Variants in LMO1 observed in about 807,000 individuals in gnomAD.
LMO1 encodes the protein rhombotin-1.
In LMO1, 10 loss-of-function variants were observed where a neutral mutation model predicts 18.0. The observed-to-expected ratio is 0.55, with a 90% confidence interval of 0.34 to 0.94. The LOEUF is 0.94. LMO1 is among the 40% of genes least tolerant of loss of function. The pLI is 0.02. For synonymous variants in LMO1, 77 were observed against 77.9 expected, an observed-to-expected ratio of 0.99 and a Z score of 0.06; for missense variants, 183 against 205.7, an observed-to-expected ratio of 0.89 and a Z score of 0.68.
At chr11:8,236,886 TATATAA>T (rs1428427456) in intron 1 of LMO1, among the ~76,000 whole-genome samples, 2 of 152,324 alleles carry the variant, frequency 1.3e-5, no homozygotes, top group Non-Finnish European at 2.9e-5. Flanking sequence ...TTGGTGTGCT[TATATAA>T]ATATACACTT....
chr11:8,259,198 C>T (rs371377137), intron 1 of LMO1, among the ~76,000 whole-genome samples: 20 of 152,272 alleles, frequency 1.3e-4, no homozygotes, highest in East Asian at 5.8e-4. Flanking sequence ...GGATTCCGGA[C>T]GACAGACCAA....
chr11:8,236,389 G>A (rs12294629), intron 1 of LMO1, among the ~76,000 whole-genome samples: 2 of 149,452 alleles, frequency 1.3e-5, no homozygotes, highest in African/African-American at 5.0e-5. Context: ...TTTTTTTTCA[G>A]AGACAAGGTC....
chr11:8,258,496 G>A (rs1416421796), intron 1 of LMO1, among the ~76,000 whole-genome samples: 2 of 152,208 alleles, frequency 1.3e-5, no homozygotes, highest in African/African-American at 4.8e-5. Context: ...GCTGAACCTC[G>A]TGTTTCCTTT....
At chr11:8,263,956 G>A (rs1470370920), upstream of LMO1, 5 of 836,948 alleles carry the variant, frequency 6.0e-6, no homozygotes, top group Middle Eastern at 5.7e-4. Context: ...GGGGAGTGGA[G>A]ACGCACGGCT....
chr11:8,245,356 G>A (rs1397966909), intron 1 of LMO1, among the ~76,000 whole-genome samples: 1 of 152,114 alleles, frequency 6.6e-6, no homozygotes, highest in Non-Finnish European at 1.5e-5. Context: ...GTGAACTCCG[G>A]CAAGTCATTT....
intron 1 of LMO1, among the ~76,000 whole-genome samples, chr11:8,235,709 A>C (rs1357086248): frequency 6.6e-6 from 1 of 152,276 alleles, no homozygotes; most frequent in Non-Finnish European, 1.5e-5. Flanking sequence ...AATATCTCTC[A>C]ATGTGGGTTT....
upstream of LMO1, among the ~76,000 whole-genome samples, chr11:8,267,724 T>A (rs1847275629): frequency 6.6e-6 from 1 of 152,194 alleles, no homozygotes; most frequent in African/African-American, 2.4e-5. Flanking sequence ...GACCCTAAAC[T>A]TCATTAGCTT....
At chr11:8,246,572 T>C (rs1472570878) in intron 1 of LMO1, among the ~76,000 whole-genome samples, 1 of 152,166 alleles carries the variant, frequency 6.6e-6, no homozygotes, top group Non-Finnish European at 1.5e-5. Context: ...AAGGTTCTTT[T>C]TGAGGTGATA....
chr11:8,251,346 C>T (rs1045747908), intron 1 of LMO1, among the ~76,000 whole-genome samples: 2 of 152,198 alleles, frequency 1.3e-5, no homozygotes, highest in African/African-American at 4.8e-5. Context: ...CTCCAGCCCA[C>T]AGGAGAGCCT....
intron 1 of LMO1, among the ~76,000 whole-genome samples, chr11:8,256,013 G>C (rs975308888): frequency 4.6e-5 from 7 of 152,094 alleles, no homozygotes; most frequent in African/African-American, 1.7e-4. Context: ...TTTTGGTAGA[G>C]ACGGGGTTTC....
intron 1 of LMO1, among the ~76,000 whole-genome samples, chr11:8,238,799 T>C (rs762973462): frequency 5.3e-5 from 8 of 152,090 alleles, no homozygotes; most frequent in Non-Finnish European, 7.3e-5. Context: ...AGTGTTGATA[T>C]GGGTGCATAC....
At chr11:8,241,685 G>C (rs1045347307) in intron 1 of LMO1, among the ~76,000 whole-genome samples, 10 of 151,400 alleles carry the variant, frequency 6.6e-5, no homozygotes, top group South Asian at 6.2e-4. Context: ...AGCCTTTCTT[G>C]ACCTCCTTAT....
chr11:8,244,494 G>A (rs765031837), intron 1 of LMO1, among the ~76,000 whole-genome samples: 21 of 152,364 alleles, frequency 1.4e-4, no homozygotes, highest in Admixed American at 4.6e-4. Context: ...GATTTATTAC[G>A]ATGATTAGCA....
intron 1 of LMO1, among the ~76,000 whole-genome samples, chr11:8,258,282 G>A (rs1329521570): frequency 1.3e-5 from 2 of 152,156 alleles, no homozygotes; most frequent in African/African-American, 4.8e-5. Context: ...CAACAGCCTT[G>A]GCCTCCCTGC....
chr11:8,241,471 A>G (rs68160872), intron 1 of LMO1, among the ~76,000 whole-genome samples: 26,460 of 152,078 alleles, frequency 0.17, 2,822 homozygotes, highest in Non-Finnish European at 0.25. Flanking sequence ...CAGACTCTTC[A>G]TCCAGCCTGT....
chr11:8,260,584 A>ATT (rs34722553), intron 1 of LMO1, among the ~76,000 whole-genome samples: 1 of 151,386 alleles, frequency 6.6e-6, no homozygotes, highest in Non-Finnish European at 1.5e-5. Flanking sequence ...GCAAAAAAAA[A>ATT]TTTTTTTTTT....
At chr11:8,238,539 C>T (rs189745358) in intron 1 of LMO1, among the ~76,000 whole-genome samples, 39 of 152,008 alleles carry the variant, frequency 2.6e-4, no homozygotes, top group Admixed American at 8.5e-4. Flanking sequence ...GCCGTGGTGG[C>T]GGGTGCCTGT....
intron 1 of LMO1, among the ~76,000 whole-genome samples, chr11:8,260,956 G>C (rs1847176699): frequency 6.6e-6 from 1 of 152,210 alleles, no homozygotes; most frequent in Non-Finnish European, 1.5e-5. Flanking sequence ...TCAAGAAGAA[G>C]ATAGGTGGTT....
chr11:8,238,531 C>T (rs551914357), intron 1 of LMO1, among the ~76,000 whole-genome samples: 17 of 152,100 alleles, frequency 1.1e-4, no homozygotes, highest in Admixed American at 3.9e-4. Context: ...ATTAGCCAGC[C>T]GTGGTGGCGG....
Sources: gnomAD v4.1 joint callset for allele counts (sites outside exome capture counted in the v4.1 genomes callset) on GRCh38, gnomAD v4.1.1 for gene constraint, MANE v1.5 for transcripts, NCBI Gene and HGNC (gene_info 2026-07-23, HGNC 2026-07-21) for gene names.